The following CYB5A variants were observed in gnomAD, a reference collection of about 807,000 sequenced individuals.
CYB5A encodes the protein cytochrome b5 type A.
A neutral mutation model predicts 16.2 loss-of-function variants in CYB5A; 10 were observed. That is an observed-to-expected ratio of 0.62 (90% CI 0.38 to 1.04). The LOEUF is 1.04. CYB5A is among the 50% of genes least tolerant of loss of function. The probability of loss-of-function intolerance (pLI) is 0.01; values close to 1 mark genes in which losing one functional copy is unlikely to be tolerated. For synonymous variants in CYB5A, 62 were observed against 57.0 expected (o/e 1.09, Z -0.40); for missense variants, 161 against 165.9 (o/e 0.97, Z 0.16).
intron 1 of CYB5A, among the ~76,000 whole-genome samples, chr18:74,287,171 C>T (rs1261516868): frequency 1.3e-5 from 2 of 151,610 alleles, no homozygotes; most frequent in African/African-American, 2.4e-5. Flanking sequence ...TTTTATTTAC[C>T]TAACGGTATA....
At chr18:74,270,123 C>T (rs896211447) in intron 1 of CYB5A, among the ~76,000 whole-genome samples, 6 of 151,970 alleles carry the variant, frequency 3.9e-5, no homozygotes, top group South Asian at 2.1e-4. Flanking sequence ...TGGCCACACT[C>T]GGTCCCCATC....
intron 2 of CYB5A, among the ~76,000 whole-genome samples, chr18:74,262,586 T>C (rs1470823907): frequency 6.6e-6 from 1 of 152,182 alleles, no homozygotes; most frequent in Non-Finnish European, 1.5e-5. Flanking sequence ...AATGTGCTAG[T>C]TCTACAGAAG....
intron 1 of CYB5A, among the ~76,000 whole-genome samples, chr18:74,272,141 G>A (rs1413388855): frequency 2.0e-5 from 3 of 152,188 alleles, no homozygotes; most frequent in East Asian, 1.9e-4. Flanking sequence ...TCACAGACAC[G>A]TTCCAGCTCA....
chr18:74,263,262 TG>T, intron 2 of CYB5A, 86 bp downstream of exon 2: 1 of 1,560,124 alleles, frequency 6.4e-7, no homozygotes, highest in Non-Finnish European at 8.8e-7. Flanking sequence ...CCTTTTAAAA[TG>T]TGTATACATG....
intron 4 of CYB5A, among the ~76,000 whole-genome samples, chr18:74,255,060 AACTGGCTTGTTAATGAAGAGTAAGGTG>A (rs1168348660): frequency 6.6e-6 from 1 of 152,238 alleles, no homozygotes; most frequent in Non-Finnish European, 1.5e-5. Context: ...TTTAGAAAGA[AACTGGCTTGTTAATGAAGAGTAAGGTG>A]AAATACTGCC....
chr18:74,286,821 A>T (rs1293243858), intron 1 of CYB5A, among the ~76,000 whole-genome samples: 1 of 152,222 alleles, frequency 6.6e-6, no homozygotes, highest in East Asian at 1.9e-4. Context: ...TTATTCCTTG[A>T]TTGACCAAAG....
chr18:74,264,523 C>A (rs115862531), intron 1 of CYB5A, among the ~76,000 whole-genome samples: 1,615 of 152,244 alleles, frequency 0.011, 26 homozygotes, highest in South Asian at 0.032. Flanking sequence ...AAGCACCCTG[C>A]GTGCCGGCAA....
intron 3 of CYB5A, 137 bp from the exon 4 acceptor site, chr18:74,255,912 T>C (rs1981959979): frequency 1.5e-6 from 1 of 687,716 alleles, no homozygotes; most frequent in Non-Finnish European, 2.6e-6. Context: ...GGGAAAATTA[T>C]AAACTTCTTT....
At chr18:74,255,670 A>T in intron 4 of CYB5A, 71 bp downstream of exon 4, 1 of 1,248,894 alleles carries the variant, frequency 8.0e-7, no homozygotes, top group Non-Finnish European at 1.2e-6. Context: ...AAGGTGGGGG[A>T]CGCACCTTGT....
intron 1 of CYB5A, 21 bp downstream of exon 1, chr18:74,291,726 A>C: frequency 6.2e-7 from 1 of 1,613,668 alleles, no homozygotes; most frequent in Non-Finnish European, 8.5e-7. Flanking sequence ...CTGCGCCCCA[A>C]GCCGCTCATC....
chr18:74,290,706 A>AG (rs1983498537), intron 1 of CYB5A, among the ~76,000 whole-genome samples: 1 of 152,144 alleles, frequency 6.6e-6, no homozygotes, highest in African/African-American at 2.4e-5. Context: ...CATTATTGGG[A>AG]GGGGGCGTGA....
chr18:74,263,587 G>A, intron 1 of CYB5A, 110 bp from the exon 2 acceptor site: 1 of 770,860 alleles, frequency 1.3e-6, no homozygotes, highest in Non-Finnish European at 2.1e-6. Context: ...AGACACAGAT[G>A]ACAACAGGAG....
At chr18:74,291,700 AC>A (rs1871474095) in intron 1 of CYB5A, 46 bp downstream of exon 1, 1 of 1,612,292 alleles carries the variant, frequency 6.2e-7, no homozygotes, top group Non-Finnish European at 8.5e-7. Flanking sequence ...GAACCCCCAA[AC>A]CCGGCCCACG....
At chr18:74,263,514 C>CTAA (rs1256212561) in intron 1 of CYB5A, 37 bp from the exon 2 acceptor site, 7 of 1,603,238 alleles carry the variant, frequency 4.4e-6, no homozygotes, top group African/African-American at 1.3e-5. Flanking sequence ...ATTTTTTTTT[C>CTAA]AGGCAAATGA....
At chr18:74,286,703 A>C (rs977538276) in intron 1 of CYB5A, among the ~76,000 whole-genome samples, 2 of 152,224 alleles carry the variant, frequency 1.3e-5, no homozygotes, top group African/African-American at 2.4e-5. Context: ...CCAGCGGGAC[A>C]GGGTTGTTCA....
intron 1 of CYB5A, among the ~76,000 whole-genome samples, chr18:74,271,998 C>T (rs1982688081): frequency 6.6e-6 from 1 of 152,138 alleles, no homozygotes; most frequent in Non-Finnish European, 1.5e-5. Flanking sequence ...TTTAAAGCTC[C>T]CCTTCTTGTT....
intron 1 of CYB5A, among the ~76,000 whole-genome samples, chr18:74,271,407 G>C (rs1680436676): frequency 6.6e-6 from 1 of 152,108 alleles, no homozygotes; most frequent in Admixed American, 6.5e-5. Flanking sequence ...AGGAATGAAC[G>C]AGCCCCATAG....
chr18:74,263,328 G>C (rs773131389), intron 2 of CYB5A, 21 bp downstream of exon 2: 1 of 1,613,696 alleles, frequency 6.2e-7, no homozygotes, highest in Non-Finnish European at 8.5e-7. Flanking sequence ...AAATAAGAAA[G>C]GGCCCCCAAA....
chr18:74,289,063 A>ACT (rs1983429011), intron 1 of CYB5A, among the ~76,000 whole-genome samples: 1 of 150,608 alleles, frequency 6.6e-6, no homozygotes, highest in Non-Finnish European at 1.5e-5. Flanking sequence ...AACCAAACTA[A>ACT]CTCCTTGTGT....
Sources: gnomAD v4.1 joint callset for allele counts (sites outside exome capture counted in the v4.1 genomes callset) on GRCh38, gnomAD v4.1.1 for gene constraint, MANE v1.5 for transcripts, NCBI Gene and HGNC (gene_info 2026-07-23, HGNC 2026-07-21) for gene names.